Variants in ABHD18 observed in about 807,000 individuals in gnomAD.
ABHD18 encodes the protein cardiolipin-specific deacylase, mitochondrial.
A neutral mutation model predicts 65.9 loss-of-function variants in ABHD18; 55 were observed. The observed-to-expected ratio is 0.84, with a 90% CI of 0.67 to 1.05. The LOEUF (loss-of-function observed/expected upper bound fraction) is 1.05, where lower values mean the gene tolerates loss of function less well. ABHD18 is among the 50% of genes least tolerant of loss of function. The pLI is 0.00. For synonymous variants in ABHD18, 181 were observed against 180.2 expected, an observed-to-expected ratio of 1.00 and a Z score of -0.04; for missense variants, 533 against 558.5, an observed-to-expected ratio of 0.95 and a Z score of 0.46.
intron 8 of ABHD18, 107 bp downstream of exon 8, chr4:128,017,608 A>T: frequency 9.8e-7 from 1 of 1,025,380 alleles, no homozygotes; most frequent in Non-Finnish European, 1.4e-6. Flanking sequence ...AGTTTTAGTA[A>T]AAGTAGGAAG....
chr4:127,967,708 G>GAAAA (rs796595535), intron 1 of ABHD18, among the ~76,000 whole-genome samples: 2 of 129,690 alleles, frequency 1.5e-5, no homozygotes, highest in Non-Finnish European at 1.6e-5. Context: ...GTACCAGTAG[G>GAAAA]AAAAAAAAAA....
In ABHD18 at chr4:128,024,853, C is replaced by T. The variant is rs148966444; in HGVS notation, c.801+3615C>T. Among the ~76,000 whole-genome samples, 769 of 152,094 alleles carry T rather than the reference C, an allele frequency of 5.1e-3. 10 individuals carry two copies. The highest frequency in any genetic ancestry group is 0.018 in the African/African-American group (734 of 41,496). ...GATTACAGGCATGTGCCACCACGCC[C>T]GGCTAATTTCGTATTTTTAGTATAG... is the stretch of plus-strand genomic sequence containing the variant. On this transcript the variant is annotated intron_variant, in intron 10 of 12. Coordinates refer to ENST00000645843, the MANE Select transcript of ABHD18 (RefSeq NM_001358451.3).
At chr4:128,008,327 A>G (rs1753979386) in intron 4 of ABHD18, among the ~76,000 whole-genome samples, 1 of 123,702 alleles carries the variant, frequency 8.1e-6, no homozygotes, top group African/African-American at 3.1e-5. Flanking sequence ...GCTGGAGTGC[A>G]GTGGCACAAT....
At chr4:128,017,972 A>G (rs1194161702) in intron 8 of ABHD18, among the ~76,000 whole-genome samples, 1 of 152,098 alleles carries the variant, frequency 6.6e-6, no homozygotes, top group Non-Finnish European at 1.5e-5. Flanking sequence ...TCCACACCCT[A>G]ACTACAGTGA....
intron 10 of ABHD18, 26 bp from the exon 11 acceptor site, chr4:128,028,449 T>A (rs1200597950): frequency 7.0e-7 from 1 of 1,435,676 alleles, no homozygotes; most frequent in Admixed American, 3.1e-5. Flanking sequence ...TATTAAATAA[T>A]GTTTTCTTTC....
chr4:127,989,940 C>CTTATTGAATTAT, intron 4 of ABHD18, 119 bp downstream of exon 4: 1 of 563,276 alleles, frequency 1.8e-6, no homozygotes, highest in East Asian at 3.0e-5. Context: ...ATTGAAAAGG[C>CTTATTGAATTAT]TGAATTAGAA....
intron 3 of ABHD18, among the ~76,000 whole-genome samples, chr4:127,988,353 C>G (rs1338930587): frequency 1.3e-5 from 2 of 152,178 alleles, no homozygotes; most frequent in Admixed American, 6.5e-5. Flanking sequence ...ACCTCAGCCT[C>G]CCACGTAGCT....
chr4:128,016,425 T>C (rs1251908772), intron 7 of ABHD18, among the ~76,000 whole-genome samples: 1 of 152,224 alleles, frequency 6.6e-6, no homozygotes, highest in Non-Finnish European at 1.5e-5. Flanking sequence ...GAGATTTCAG[T>C]AATACATGAG....
chr4:127,973,690 A>G (rs188447196), intron 1 of ABHD18, among the ~76,000 whole-genome samples: 107 of 152,104 alleles, frequency 7.0e-4, no homozygotes, highest in Admixed American at 6.9e-3. Flanking sequence ...CCTGTGGCTC[A>G]CACTTATTTT....
chr4:128,021,412 C>A lies in ABHD18; in HGVS notation c.801+174C>A, dbSNP rs1251248657. On this transcript the variant is annotated intron_variant, in intron 10 of 12. Coordinates refer to ENST00000645843, the MANE Select transcript of ABHD18 (RefSeq NM_001358451.3). ...GGCATGGTGGGTCACACCTGTAACC[C>A]CAGCACCTTGGGATGCTGAAGTGGG... Among the ~76,000 whole-genome samples the A allele has an allele frequency of 5.3e-5, 8 of 152,136 alleles. No individual in the cohort carries two copies. In the South Asian group the frequency reaches 1.5e-3, roughly 28 times the overall value.
chr4:128,030,704 C>A (rs776085876), intron 12 of ABHD18, 32 bp downstream of exon 12: 45 of 1,516,092 alleles, frequency 3.0e-5, no homozygotes, highest in Non-Finnish European at 3.8e-5. Flanking sequence ...TGTATTCGTT[C>A]ATTTGTTGTT....
Position 128,039,096 on chromosome 4 carries a change from A to G in ABHD18, c.*3283A>G, listed in dbSNP as rs1344186892. The G allele has an allele frequency of 2.0e-5, 3 of 147,916 alleles. No individual in the cohort carries two copies. The highest frequency in any genetic ancestry group is 3.9e-4 in the East Asian group (2 of 5,134). 9.2% of individuals were successfully genotyped at this position (147,916 alleles called of 1,614,324 possible). On this transcript the variant is annotated 3_prime_UTR_variant, in exon 13 of 13. Coordinates refer to ENST00000645843, the MANE Select transcript of ABHD18 (RefSeq NM_001358451.3). Reference sequence around the variant, plus strand: ...TATATACACACACACGTATGTGTGTATATATATGTATGTACGTATATATAT... The same window carrying G: ...TATATACACACACACGTATGTGTGTGTATATATGTATGTACGTATATATAT...
At position 128,028,566 on chromosome 4, in the gene ABHD18, T is replaced by C; in HGVS notation, c.893T>C (p.Leu298Ser). 1 of 1,613,322 alleles carries C rather than the reference T, an allele frequency of 6.2e-7. No homozygotes were observed. Among genetic ancestry groups the C allele is most frequent in the Non-Finnish European group, 8.5e-7 (1 of 1,179,554 alleles). The change falls in exon 11 of 13, where the codon TTA (leucine) becomes TCA (serine). Residue 298 changes from leucine (L) to serine (S), a missense_variant. By Grantham distance (145) the Leu-to-Ser change is moderately radical (BLOSUM62 -2). Transcript: ENST00000645843. ...LTNLNLVSRT[L>S]NLDISNQVVS... is the part of the protein sequence containing the mutation. ...AACCTTAATCTGGTTTCCAGAACTT[T>C]AAATTTAGATATATCAAACCAAGTT... is the stretch of plus-strand genomic sequence containing the variant.
In ABHD18 at chr4:127,993,084, T is replaced by A. The variant is rs58709765; in HGVS notation, c.278+3263T>A. On this transcript the variant is annotated intron_variant, in intron 4 of 12. Coordinates refer to ENST00000645843, the MANE Select transcript of ABHD18 (RefSeq NM_001358451.3). Reference sequence around the variant, plus strand: ...GCAAGACCCTGTGTCAAAAAAAAAATTTTTTTTTTAAAGCATAAGTGAATG... The same window carrying A: ...GCAAGACCCTGTGTCAAAAAAAAAAATTTTTTTTTAAAGCATAAGTGAATG... Among the ~76,000 whole-genome samples the A allele has an allele frequency of 7.0e-3, 1,046 of 150,086 alleles. 14 individuals carry two copies. Among genetic ancestry groups the A allele is most frequent in the African/African-American group, 0.023 (915 of 40,662 alleles).
chr4:127,996,752 AC>A (rs1751801914), intron 4 of ABHD18, among the ~76,000 whole-genome samples: 2 of 152,000 alleles, frequency 1.3e-5, no homozygotes, highest in South Asian at 4.2e-4. Flanking sequence ...CTGTAGACCT[AC>A]CCCCAGGAAT....
At position 128,017,388 on chromosome 4, in the gene ABHD18, G is replaced by A. The variant is rs199818126; in HGVS notation, c.496G>A (p.Asp166Asn). ...QVRSSLKNVS[D>N]LFVMGGALVL... The stretch of plus-strand genomic sequence containing the variant: ...AAGGTCCAGCTTAAAAAATGTGTCC[G>A]ACCTTTTTGTGATGGGAGGAGCTCT... Residue 166 changes from aspartate to asparagine, a missense_variant, in exon 8 of 13, where the codon GAC becomes AAC. Coordinates refer to ENST00000645843, the MANE Select transcript of ABHD18 (RefSeq NM_001358451.3). The A allele has an allele frequency of 2.7e-5, 44 of 1,613,506 alleles. No homozygotes were observed. The highest frequency in any genetic ancestry group is 1.6e-4 in the South Asian group (15 of 91,008).
chr4:128,035,668 C>A, intron 12 of ABHD18, 94 bp from the exon 13 acceptor site: 3 of 692,370 alleles, frequency 4.3e-6, no homozygotes, highest in Non-Finnish European at 7.4e-6. Context: ...AGTTGCAAGC[C>A]ACAGATAAAT....
intron 4 of ABHD18, among the ~76,000 whole-genome samples, chr4:128,002,361 C>T (rs1053633774): frequency 1.3e-5 from 2 of 151,596 alleles, no homozygotes; most frequent in Middle Eastern, 3.5e-3. Flanking sequence ...CTGACTGCAA[C>T]CTCTGCCTCC....
At chr4:127,976,914 ACCTATAGT>A (rs2149053521) in intron 1 of ABHD18, among the ~76,000 whole-genome samples, 1 of 151,986 alleles carries the variant, frequency 6.6e-6, no homozygotes, top group African/African-American at 2.4e-5. Flanking sequence ...GGTGGCGGGC[ACCTATAGT>A]CCTAGCTACT....
Sources: allele counts gnomAD v4.1 joint callset (sites outside exome capture counted in the v4.1 genomes callset), GRCh38; gene constraint gnomAD v4.1.1; transcripts MANE v1.5; gene names NCBI Gene and HGNC (gene_info 2026-07-23, HGNC 2026-07-21).